PGCKA1: variants seen among roughly 807,000 people sequenced by gnomAD.
PGCKA1 encodes PDCD10 and GCKIII kinases associated 1, also known as PDCD10 and GCKIII kinases-associated protein 1.
At chr4:37,482,339 T>G in the PGCKA1 span, among the ~76,000 whole-genome samples, 1 of 152,098 alleles carries the variant, frequency 6.6e-6, no homozygotes, top group African/African-American at 2.4e-5. Flanking sequence ...GATAATAAAG[T>G]CCAGGCCGAG....
chr4:37,534,185 A>C, the PGCKA1 span, among the ~76,000 whole-genome samples: 2 of 152,184 alleles, frequency 1.3e-5, no homozygotes, highest in Non-Finnish European at 2.9e-5. Context: ...TTTAAATCCA[A>C]GGTCATTGGC....
chr4:37,496,365 T>C, the PGCKA1 span, among the ~76,000 whole-genome samples: 3 of 152,226 alleles, frequency 2.0e-5, no homozygotes, highest in African/African-American at 7.2e-5. Context: ...AGGGAATCCT[T>C]TCCCCATTGC....
At chr4:37,572,278 G>GT in the PGCKA1 span, among the ~76,000 whole-genome samples, 2 of 150,444 alleles carry the variant, frequency 1.3e-5, no homozygotes, top group East Asian at 4.1e-4. Flanking sequence ...GTTTTAGCCG[G>GT]GATGGTCTCG....
chr4:37,512,552 G>A, the PGCKA1 span, among the ~76,000 whole-genome samples: 1 of 150,892 alleles, frequency 6.6e-6, no homozygotes, highest in East Asian at 2.0e-4. Context: ...CGCCTCCTGG[G>A]TTCAAGCAAT....
the PGCKA1 span, among the ~76,000 whole-genome samples, chr4:37,532,998 C>T: frequency 6.6e-6 from 1 of 152,136 alleles, no homozygotes; most frequent in African/African-American, 2.4e-5. Context: ...TAAAAGACTA[C>T]AAATGTGGTG....
chr4:37,495,234 CAG>C, the PGCKA1 span, among the ~76,000 whole-genome samples: 1 of 152,132 alleles, frequency 6.6e-6, no homozygotes, highest in Non-Finnish European at 1.5e-5. Context: ...CAGGAAATAA[CAG>C]AAGCTGGAGA....
the PGCKA1 span, among the ~76,000 whole-genome samples, chr4:37,481,364 C>A: frequency 1.3e-5 from 2 of 149,032 alleles, no homozygotes; most frequent in African/African-American, 5.0e-5. Context: ...ACTTGGGAGG[C>A]TGACGCAGGA....
chr4:37,541,953 T>A, the PGCKA1 span, among the ~76,000 whole-genome samples: 1 of 152,126 alleles, frequency 6.6e-6, no homozygotes, highest in African/African-American at 2.4e-5. Context: ...CTAGGCAACT[T>A]GCAAACAGCA....
chr4:37,555,926 TCTC>T, the PGCKA1 span, among the ~76,000 whole-genome samples: 1 of 152,046 alleles, frequency 6.6e-6, no homozygotes, highest in Non-Finnish European at 1.5e-5. Flanking sequence ...TCCCCCTGAG[TCTC>T]CTCCTTAAAC....
chr4:37,550,578 T>A, the PGCKA1 span, among the ~76,000 whole-genome samples: 1 of 152,136 alleles, frequency 6.6e-6, no homozygotes, highest in African/African-American at 2.4e-5. Flanking sequence ...AAAATATGTA[T>A]CATTGAGCAT....
chr4:37,591,539 T>G, the PGCKA1 span: 1 of 152,464 alleles, frequency 6.6e-6, no homozygotes, highest in African/African-American at 2.4e-5. Context: ...AACTAACCAG[T>G]TGTTCAACAG....
the PGCKA1 span, among the ~76,000 whole-genome samples, chr4:37,466,559 G>T: frequency 6.6e-6 from 1 of 152,204 alleles, no homozygotes; most frequent in African/African-American, 2.4e-5. Context: ...GACTGGGAGA[G>T]AAGAGATCAA....
At chr4:37,468,522 A>G in the PGCKA1 span, among the ~76,000 whole-genome samples, 1 of 152,178 alleles carries the variant, frequency 6.6e-6, no homozygotes, top group Admixed American at 6.5e-5. Flanking sequence ...GAAGCTAATC[A>G]TGACACTTTT....
the PGCKA1 span, among the ~76,000 whole-genome samples, chr4:37,557,584 C>T: frequency 6.6e-6 from 1 of 152,302 alleles, no homozygotes; most frequent in Admixed American, 6.5e-5. Flanking sequence ...AATAATGGCA[C>T]TGATTTTATC....
chr4:37,533,517 G>A, the PGCKA1 span, among the ~76,000 whole-genome samples: 1 of 152,170 alleles, frequency 6.6e-6, no homozygotes, highest in African/African-American at 2.4e-5. Context: ...TGCAGAAGGT[G>A]GGGCTGCTCT....
the PGCKA1 span, among the ~76,000 whole-genome samples, chr4:37,499,408 A>T: frequency 1.2e-4 from 19 of 152,306 alleles, no homozygotes; most frequent in African/African-American, 1.4e-4. Context: ...TGTACATCTC[A>T]TAAAATTCGT....
chr4:37,540,408 T>G, the PGCKA1 span, among the ~76,000 whole-genome samples: 2 of 152,224 alleles, frequency 1.3e-5, no homozygotes, highest in Non-Finnish European at 2.9e-5. Flanking sequence ...GCTTTAACGT[T>G]AATCGATAAA....
At chr4:37,590,940 G>A in the PGCKA1 span, 2,311 of 1,614,104 alleles carry the variant, frequency 1.4e-3, 17 homozygotes, top group African/African-American at 0.021. Context: ...CAGCGGTGGC[G>A]GAGGCCCTTG....
At chr4:37,463,497 A>G in the PGCKA1 span, among the ~76,000 whole-genome samples, 1 of 152,238 alleles carries the variant, frequency 6.6e-6, no homozygotes, top group Non-Finnish European at 1.5e-5. Flanking sequence ...GGACATAGTA[A>G]AAATGGAAGA....
Sources: gnomAD v4.1 joint callset for allele counts (sites outside exome capture counted in the v4.1 genomes callset) on GRCh38, gnomAD v4.1.1 for gene constraint, MANE v1.5 for transcripts, NCBI Gene and HGNC (gene_info 2026-07-23, HGNC 2026-07-21) for gene names.